Variants in UTY observed in about 807,000 individuals in gnomAD.
The protein encoded by UTY is histone demethylase UTY.
Under a neutral mutation model 32.5 loss-of-function variants are expected in UTY, and 12 were observed. That is an observed-to-expected ratio of 0.37 (90% CI 0.24 to 0.60). The LOEUF (loss-of-function observed/expected upper bound fraction) is 0.60, where lower values mean the gene tolerates loss of function less well. Among genes scored for constraint, UTY ranks in the 20% least tolerant of loss-of-function variants. UTY has a pLI of 0.69. For missense variants in UTY, 303 were observed against 299.2 expected (o/e 1.01, Z -0.09); for synonymous variants, 131 against 103.4 (o/e 1.27, Z -1.62).
chrY:13,359,759 AT>A lies in UTY; in HGVS notation c.1185+7del. 5 of 385,809 alleles carry A rather than the reference AT, an allele frequency of 1.3e-5. No homozygotes were observed. Among genetic ancestry groups the A allele is most frequent in the Non-Finnish European group, 1.8e-5 (5 of 274,819 alleles). On this transcript the variant is annotated splice_region_variant and intron_variant, in intron 12 of 29. Transcript: ENST00000545955. ...TGTCATTTAAAATATACTATTTAAA[AT>A]TTTTACCTGTAGAAATTTAATTCTT...
At chrY:13,234,795 G>A (rs1422913673) in exon 29 of UTY, 1 of 129,729 alleles carries the variant, frequency 7.7e-6, no homozygotes, top group Admixed American at 1.0e-4. Context: ...GGAAGTGAAT[G>A]CCGACTGGTC....
Position 13,435,396 on chromosome Y carries a change from T to G in UTY, c.375+13621A>C, listed in dbSNP as rs760858978. On this transcript the variant is annotated intron_variant, in intron 4 of 29. Transcript: ENST00000545955. ...ACATTCCTGTCGTTCCTGTTTTCCCTTACCCCAGCTCTGTCCAGCTTCGAG... is the reference window on the plus strand; with the variant it reads ...ACATTCCTGTCGTTCCTGTTTTCCCGTACCCCAGCTCTGTCCAGCTTCGAG... 9.0e-5 allele frequency among the ~76,000 whole-genome samples: 3 copies of G among 33,281 alleles called. No individual in the cohort carries two copies. The South Asian group carries it at 2.0e-3, about 23-fold the overall frequency. 89.3% of individuals were successfully genotyped at this position (33,281 alleles called of 37,273 possible). A position where few individuals can be genotyped will look rare whatever the true frequency, so the allele number is the denominator to read the frequency against.
At chrY:13,473,011 C>A in intron 2 of UTY, among the ~76,000 whole-genome samples, 3 of 33,886 alleles carry the variant, frequency 8.9e-5, no homozygotes, top group Non-Finnish European at 7.4e-5. Context: ...GTAATCCCAG[C>A]ACTTTGGGAG....
chrY:13,318,219 A>AATC (rs2059623080), intron 21 of UTY, among the ~76,000 whole-genome samples: 1 of 30,518 alleles, frequency 3.3e-5, no homozygotes, highest in Non-Finnish European at 7.8e-5. Context: ...TAATAATAAT[A>AATC]ATAATGTAAA....
chrY:13,310,963 CG>C (rs2059007968), intron 21 of UTY, among the ~76,000 whole-genome samples: 2 of 31,165 alleles, frequency 6.4e-5, no homozygotes, highest in African/African-American at 1.3e-4. Flanking sequence ...GTGGCACAGG[CG>C]GTAATCCCAG....
Position 13,360,536 on chromosome Y carries a change from G to GA in UTY, c.867-9dup. The GA allele has an allele frequency of 2.8e-6, 1 of 360,759 alleles. No individual in the cohort carries two copies. Among genetic ancestry groups the GA allele is most frequent in the East Asian group, 9.5e-5 (1 of 10,487 alleles). 90.0% of individuals were successfully genotyped at this position (360,759 alleles called of 400,897 possible). On this transcript the variant is annotated splice_polypyrimidine_tract_variant and intron_variant, in intron 10 of 29. Transcript: ENST00000545955. ...CCAATACTTGAATAACACCTAAAAG[G>GA]AAAAAATATAAATAAATACAATTCC...
At chrY:13,434,894 T>C (rs772247601) in intron 4 of UTY, among the ~76,000 whole-genome samples, 4 of 33,750 alleles carry the variant, frequency 1.2e-4, no homozygotes, top group Admixed American at 2.7e-4. Context: ...AACAAAAAGA[T>C]TGGACTTAAA....
At chrY:13,316,680 C>T in intron 21 of UTY, among the ~76,000 whole-genome samples, 4 of 32,158 alleles carry the variant, frequency 1.2e-4, no homozygotes, top group Non-Finnish European at 3.0e-4. Flanking sequence ...GTTGTTTTTT[C>T]GGTCTTTTTC....
chrY:13,381,432 G>A, intron 8 of UTY, among the ~76,000 whole-genome samples: 2 of 34,306 alleles, frequency 5.8e-5, no homozygotes, highest in Admixed American at 5.2e-4. Flanking sequence ...GCTAAGGCAA[G>A]AGAATTGCCT....
chrY:13,382,537 G>C, intron 8 of UTY, among the ~76,000 whole-genome samples: 1 of 34,033 alleles, frequency 2.9e-5, no homozygotes, highest in Non-Finnish European at 7.3e-5. Flanking sequence ...AGTGTAGCCT[G>C]CAGCAGCAGG....
Position 13,409,692 on chromosome Y carries a change from A to G in UTY, c.555+1301T>C. ...GTTCATCCCAGATAGTTATGCTAAC[A>G]ATTGATTTATGGCAGAGGCCTGGGG... On this transcript the variant is annotated intron_variant, in intron 6 of 29. Transcript: ENST00000545955. Among the ~76,000 whole-genome samples, 3 of 33,496 alleles carry G rather than the reference A, an allele frequency of 9.0e-5. No homozygotes were observed. The South Asian group carries it at 2.0e-3, about 22-fold the overall frequency. 89.9% of individuals were successfully genotyped at this position (33,496 alleles called of 37,273 possible). A position where few individuals can be genotyped will look rare whatever the true frequency, so the allele number is the denominator to read the frequency against.
At chrY:13,364,372 A>G in intron 10 of UTY, among the ~76,000 whole-genome samples, 1 of 32,622 alleles carries the variant, frequency 3.1e-5, no homozygotes, top group East Asian at 8.0e-4. Context: ...TAGTTTATTT[A>G]TTTTTTTAAT....
intron 17 of UTY, among the ~76,000 whole-genome samples, chrY:13,348,448 T>C (rs2062105294): frequency 2.9e-5 from 1 of 34,052 alleles, no homozygotes; most frequent in African/African-American, 1.1e-4. Flanking sequence ...CAAATAATAC[T>C]TATTTTTAAA....
chrY:13,358,716 G>T, intron 13 of UTY, 97 bp from the exon 14 acceptor site: 1 of 177,605 alleles, frequency 5.6e-6, no homozygotes, highest in African/African-American at 8.2e-5. Context: ...ACACTATGCG[G>T]ACATCATTGA....
At chrY:13,374,496 C>T (rs2065239393) in intron 8 of UTY, among the ~76,000 whole-genome samples, 1 of 33,374 alleles carries the variant, frequency 3.0e-5, no homozygotes, top group Non-Finnish European at 7.4e-5. Flanking sequence ...TTTGTTTTAG[C>T]TTTTTATATT....
At chrY:13,279,868 C>A (rs2056909456) in intron 27 of UTY, among the ~76,000 whole-genome samples, 3 of 32,966 alleles carry the variant, frequency 9.1e-5, no homozygotes, top group African/African-American at 3.6e-4. Flanking sequence ...ATAAATTTGA[C>A]AAAGAGATTA....
chrY:13,267,048 T>C (rs762928180), intron 27 of UTY, among the ~76,000 whole-genome samples: 3 of 32,627 alleles, frequency 9.2e-5, no homozygotes, highest in Admixed American at 2.8e-4. Flanking sequence ...GAGTTCAAAG[T>C]CCGGAATATC....
intron 28 of UTY, among the ~76,000 whole-genome samples, chrY:13,251,684 T>TA (rs2054163437): frequency 3.0e-5 from 1 of 33,376 alleles, no homozygotes; most frequent in African/African-American, 1.2e-4. Flanking sequence ...AAACTACAAT[T>TA]AAAAAAACTT....
intron 4 of UTY, among the ~76,000 whole-genome samples, chrY:13,447,923 C>T (rs780760648): frequency 1.8e-4 from 6 of 33,899 alleles, no homozygotes; most frequent in Middle Eastern, 0.014. Context: ...TGAATAGCAA[C>T]GATCCAGACA....
Sources: gnomAD v4.1 joint callset for allele counts (sites outside exome capture counted in the v4.1 genomes callset) on GRCh38, gnomAD v4.1.1 for gene constraint, MANE v1.5 for transcripts, NCBI Gene and HGNC (gene_info 2026-07-23, HGNC 2026-07-21) for gene names.